ARID2: variants seen among roughly 807,000 people sequenced by gnomAD.
ARID2 encodes the protein AT-rich interactive domain-containing protein 2.
A neutral mutation model predicts 184.6 loss-of-function variants in ARID2; 32 were observed. That is an observed-to-expected ratio of 0.17 (90% confidence interval 0.13 to 0.23). ARID2 has a LOEUF of 0.23. Among genes scored for constraint, ARID2 ranks in the 10% least tolerant of loss-of-function variants. ARID2 has a pLI of 1.00. For synonymous variants in ARID2, 836 were observed against 772.6 expected (o/e 1.08, Z -1.36); for missense variants, 1,696 against 2,197.6 (o/e 0.77, Z 4.56).
At chr12:45,877,858 C>G (rs1944036752) in intron 16 of ARID2, among the ~76,000 whole-genome samples, 5 of 152,202 alleles carry the variant, frequency 3.3e-5, no homozygotes, top group Admixed American at 2.0e-4. Context: ...AAGTTTTGAC[C>G]TCTATATTTT....
At chr12:45,899,741 T>TTA (rs1202473985) in intron 20 of ARID2, among the ~76,000 whole-genome samples, 143 of 105,070 alleles carry the variant, frequency 1.4e-3, no homozygotes, top group Admixed American at 3.8e-3. Context: ...ATATATGGTT[T>TTA]TATATATATA....
At chr12:45,883,802 T>G (rs1397511630) in intron 16 of ARID2, among the ~76,000 whole-genome samples, 2 of 152,014 alleles carry the variant, frequency 1.3e-5, no homozygotes, top group Non-Finnish European at 2.9e-5. Context: ...GATAATTTTA[T>G]GTTCAAAGAG....
chr12:45,805,516 A>G (rs1942583936), intron 3 of ARID2, among the ~76,000 whole-genome samples: 1 of 152,076 alleles, frequency 6.6e-6, no homozygotes, highest in African/African-American at 2.4e-5. Context: ...TCTTGTGTAT[A>G]TATAATGGTT....
rs752929587 is a variant in ARID2, at chr12:45,852,893, G to A, written c.4770G>A (p.Pro1590=). ...CAACATATGTACAGAATGTGGTCCCGCAGGTAAGTTATTCCATGATCACAT... is the reference window on the plus strand; with the variant it reads ...CAACATATGTACAGAATGTGGTCCCACAGGTAAGTTATTCCATGATCACAT... ...HPPTYVQNVV[P]QNTPMPPSPA... The change falls in exon 15 of 21, where the codon CCG becomes CCA. Residue 1590 remains proline, a synonymous_variant. Transcript: ENST00000334344. 1.8e-5 allele frequency: 28 copies of A among 1,564,118 alleles called. No individual in the cohort carries two copies. Among genetic ancestry groups the A allele is most frequent in the East Asian group, 1.4e-4 (6 of 44,230 alleles).
At chr12:45,900,907 T>TC (rs1240491279) in intron 20 of ARID2, among the ~76,000 whole-genome samples, 1 of 151,982 alleles carries the variant, frequency 6.6e-6, no homozygotes, top group East Asian at 1.9e-4. Context: ...TGATCTGTTT[T>TC]CCCCCCTCTA....
chr12:45,886,209 G>T (rs1337596571), intron 16 of ARID2, among the ~76,000 whole-genome samples: 1 of 151,918 alleles, frequency 6.6e-6, no homozygotes, highest in African/African-American at 2.4e-5. Flanking sequence ...AAAACAAAGA[G>T]GCTACAGGCA....
Position 45,860,696 on chromosome 12 carries a change from A to G in ARID2, c.4774-105A>G, listed in dbSNP as rs1943727657. 3 of 1,010,800 alleles carry G rather than the reference A, an allele frequency of 3.0e-6. No individual in the cohort carries two copies. In the South Asian group the frequency reaches 1.5e-4, roughly 49 times the overall value. 62.6% of individuals were successfully genotyped at this position (1,010,800 alleles called of 1,614,324 possible). A position where few individuals can be genotyped will look rare whatever the true frequency, so the allele number is the denominator to read the frequency against. ...CTTAAAATTATAAAATGTAAATTTT[A>G]TGGTAGAAATGTATAACAACATAAT... On this transcript the variant is annotated intron_variant, in intron 15 of 20. Transcript: ENST00000334344.
intron 15 of ARID2, among the ~76,000 whole-genome samples, chr12:45,854,085 G>C (rs1943602829): frequency 6.6e-6 from 1 of 152,128 alleles, no homozygotes; most frequent in African/African-American, 2.4e-5. Flanking sequence ...AGGACCACAA[G>C]CCCTATCGTG....
intron 20 of ARID2, among the ~76,000 whole-genome samples, chr12:45,899,657 A>ATATATATATATGTT: frequency 1.0e-5 from 1 of 97,490 alleles, no homozygotes; most frequent in Non-Finnish European, 2.1e-5. Context: ...ATTTGGTTAT[A>ATATATATATATGTT]TATATATATA....
chr12:45,779,756 ATAT>A (rs563716094), intron 3 of ARID2, among the ~76,000 whole-genome samples: 80 of 152,212 alleles, frequency 5.3e-4, no homozygotes, highest in African/African-American at 1.8e-3. Context: ...TTATTCAATA[ATAT>A]TATTGAAATA....
chr12:45,828,472 A>G (rs1381163992), intron 6 of ARID2, among the ~76,000 whole-genome samples: 3 of 152,050 alleles, frequency 2.0e-5, no homozygotes, highest in African/African-American at 7.2e-5. Context: ...TTTGTTGGGT[A>G]ATTGACCTAG....
intron 6 of ARID2, among the ~76,000 whole-genome samples, chr12:45,831,657 T>A (rs1435889966): frequency 6.6e-6 from 1 of 152,206 alleles, no homozygotes; most frequent in East Asian, 1.9e-4. Context: ...CATTCCTACT[T>A]TGCCCCAGCC....
intron 3 of ARID2, among the ~76,000 whole-genome samples, chr12:45,737,503 A>G (rs1466714914): frequency 1.3e-5 from 2 of 151,372 alleles, no homozygotes; most frequent in African/African-American, 2.4e-5. Context: ...CTGAAAAGTG[A>G]TAGATCTAAA....
At chr12:45,825,067 T>A (rs2138104409) in intron 6 of ARID2, among the ~76,000 whole-genome samples, 1 of 152,012 alleles carries the variant, frequency 6.6e-6, no homozygotes, top group South Asian at 2.1e-4. Context: ...TAGAGTAGAT[T>A]GGTGGTTACC....
intron 16 of ARID2, among the ~76,000 whole-genome samples, chr12:45,880,137 C>G (rs973207601): frequency 6.6e-6 from 1 of 152,140 alleles, no homozygotes. Context: ...TTGAAAAACA[C>G]TTTTCTGGAA....
intron 5 of ARID2, among the ~76,000 whole-genome samples, chr12:45,820,760 G>A (rs1033846098): frequency 3.3e-5 from 5 of 152,116 alleles, no homozygotes; most frequent in Admixed American, 2.0e-4. Context: ...AAATAACACA[G>A]GATGTACTTA....
chr12:45,899,667 A>T (rs11834773), intron 20 of ARID2, among the ~76,000 whole-genome samples: 121 of 26,614 alleles, frequency 4.5e-3, no homozygotes, highest in African/African-American at 0.01. Context: ...ATATATATAT[A>T]TGGTTATATA....
intron 2 of ARID2, 152 bp from the exon 3 acceptor site, chr12:45,731,065 C>T: frequency 3.3e-6 from 2 of 600,038 alleles, no homozygotes; most frequent in Non-Finnish European, 3.0e-6. Context: ...ATTCAAGAAG[C>T]CCTTGCTTAG....
chr12:45,887,516 AAC>A (rs1055619962), intron 16 of ARID2, among the ~76,000 whole-genome samples: 1 of 152,206 alleles, frequency 6.6e-6, no homozygotes, highest in Non-Finnish European at 1.5e-5. Flanking sequence ...TTTAGGAAGA[AAC>A]ACAATAGAAT....
Sources: allele counts gnomAD v4.1 joint callset (sites outside exome capture counted in the v4.1 genomes callset), GRCh38; gene constraint gnomAD v4.1.1; transcripts MANE v1.5; gene names NCBI Gene and HGNC (gene_info 2026-07-23, HGNC 2026-07-21).